CFAP299: variants seen among roughly 807,000 people sequenced by gnomAD.
CFAP299 encodes the protein cilia- and flagella-associated protein 299.
CFAP299 carries 21 observed loss-of-function variants against 27.0 expected under a neutral mutation model. The observed-to-expected ratio is 0.78, with a 90% confidence interval of 0.55 to 1.12. The LOEUF (loss-of-function observed/expected upper bound fraction) is 1.12, where lower values mean the gene tolerates loss of function less well. CFAP299 is among the 50% of genes most tolerant of loss of function. The pLI is 0.00. For missense variants in CFAP299, 310 were observed against 276.6 expected (o/e 1.12, Z -0.86); for synonymous variants, 104 against 98.1 (o/e 1.06, Z -0.36).
intron 2 of CFAP299, among the ~76,000 whole-genome samples, chr4:80,412,042 A>G (rs1397387470): frequency 6.6e-6 from 1 of 152,128 alleles, no homozygotes; most frequent in Non-Finnish European, 1.5e-5. Context: ...CTTTTATGGA[A>G]TAAGAAAGTG....
chr4:80,692,066 C>G (rs1361659832), intron 3 of CFAP299, among the ~76,000 whole-genome samples: 2 of 152,178 alleles, frequency 1.3e-5, no homozygotes, highest in East Asian at 3.8e-4. Flanking sequence ...AATGGAAGAG[C>G]ATTCTATGCT....
chr4:80,601,246 T>A (rs1290297183), intron 3 of CFAP299, among the ~76,000 whole-genome samples: 1 of 152,166 alleles, frequency 6.6e-6, no homozygotes, highest in Non-Finnish European at 1.5e-5. Flanking sequence ...TATTTTATCA[T>A]GTGACATTAT....
intron 2 of CFAP299, among the ~76,000 whole-genome samples, chr4:80,519,327 C>T (rs932338405): frequency 3.3e-5 from 5 of 152,108 alleles, no homozygotes; most frequent in African/African-American, 1.2e-4. Context: ...CCACCTCAGC[C>T]TCCCATGTAT....
intron 2 of CFAP299, among the ~76,000 whole-genome samples, chr4:80,412,956 A>G (rs1332704563): frequency 6.6e-6 from 1 of 152,214 alleles, no homozygotes; most frequent in Non-Finnish European, 1.5e-5. Context: ...TGTGTTATGG[A>G]AGACTCTGCT....
At chr4:80,585,939 G>T (rs1254122281) in intron 3 of CFAP299, among the ~76,000 whole-genome samples, 1 of 152,152 alleles carries the variant, frequency 6.6e-6, no homozygotes, top group Non-Finnish European at 1.5e-5. Flanking sequence ...ATAGTGATTT[G>T]TAGGATTCAG....
At chr4:80,622,041 A>G (rs896789262) in intron 3 of CFAP299, among the ~76,000 whole-genome samples, 1 of 152,168 alleles carries the variant, frequency 6.6e-6, no homozygotes, top group African/African-American at 2.4e-5. Context: ...ACAAGTTGAG[A>G]TTATAGTTGG....
intron 2 of CFAP299, among the ~76,000 whole-genome samples, chr4:80,396,025 A>C (rs985602095): frequency 6.6e-6 from 1 of 152,162 alleles, no homozygotes; most frequent in Admixed American, 6.6e-5. Flanking sequence ...GCTTAGAGCC[A>C]CTACTGACAG....
intron 5 of CFAP299, among the ~76,000 whole-genome samples, chr4:80,955,309 AT>A (rs1357625529): frequency 6.6e-6 from 1 of 152,150 alleles, no homozygotes; most frequent in Non-Finnish European, 1.5e-5. Context: ...ATTAGGGAAA[AT>A]TACTTCACCC....
At chr4:80,509,321 G>C (rs1027942181) in intron 2 of CFAP299, among the ~76,000 whole-genome samples, 1 of 152,156 alleles carries the variant, frequency 6.6e-6, no homozygotes, top group Non-Finnish European at 1.5e-5. Flanking sequence ...ATATTTTAGA[G>C]CAAGCTTGAG....
intron 2 of CFAP299, among the ~76,000 whole-genome samples, chr4:80,450,267 C>T (rs1006500856): frequency 1.3e-5 from 2 of 152,028 alleles, no homozygotes; most frequent in Non-Finnish European, 2.9e-5. Flanking sequence ...AAAAGTTCTC[C>T]CTTTCAAAAA....
intron 4 of CFAP299, among the ~76,000 whole-genome samples, chr4:80,886,551 C>T (rs529086910): frequency 7.2e-5 from 11 of 152,328 alleles, no homozygotes; most frequent in South Asian, 2.1e-4. Flanking sequence ...AATCACAGCA[C>T]GATTGGGCTT....
chr4:80,587,867 G>A (rs114892338), intron 3 of CFAP299, among the ~76,000 whole-genome samples: 1,475 of 144,334 alleles, frequency 0.01, 128 homozygotes, highest in African/African-American at 0.041. Flanking sequence ...GCAGGCTACT[G>A]CATTATGGAT....
chr4:80,862,370 G>T (rs574310829), intron 3 of CFAP299, among the ~76,000 whole-genome samples: 1 of 151,366 alleles, frequency 6.6e-6, no homozygotes. Context: ...ACTCCATCTC[G>T]AAAAATATAG....
intron 4 of CFAP299, among the ~76,000 whole-genome samples, chr4:80,937,304 T>TTTTTTTTG (rs1404783402): frequency 7.3e-6 from 1 of 136,288 alleles, no homozygotes; most frequent in East Asian, 2.1e-4. Flanking sequence ...TTTTCTTTTT[T>TTTTTTTTG]TTTCTTTCTT....
intron 2 of CFAP299, among the ~76,000 whole-genome samples, chr4:80,525,266 G>A (rs898644308): frequency 6.6e-6 from 1 of 152,132 alleles, no homozygotes; most frequent in African/African-American, 2.4e-5. Context: ...ATTATACAAA[G>A]ACATGAATCA....
At chr4:80,636,769 T>A (rs1276326899) in intron 3 of CFAP299, among the ~76,000 whole-genome samples, 5 of 152,200 alleles carry the variant, frequency 3.3e-5, no homozygotes, top group African/African-American at 9.6e-5. Context: ...TTCATTTACC[T>A]ATTTTCTATG....
chr4:80,821,880 G>C (rs910828885), intron 3 of CFAP299, among the ~76,000 whole-genome samples: 1 of 150,838 alleles, frequency 6.6e-6, no homozygotes, highest in Non-Finnish European at 1.5e-5. Context: ...CCATCCCCTG[G>C]CTCAGTACAC....
At chr4:80,675,950 C>T (rs1719423889) in intron 3 of CFAP299, among the ~76,000 whole-genome samples, 1 of 152,180 alleles carries the variant, frequency 6.6e-6, no homozygotes, top group Non-Finnish European at 1.5e-5. Flanking sequence ...TCTGTCATGA[C>T]TTCCCTTTGC....
chr4:80,399,647 C>T (rs1578401554), intron 2 of CFAP299, among the ~76,000 whole-genome samples: 1 of 141,150 alleles, frequency 7.1e-6, no homozygotes, highest in Non-Finnish European at 1.5e-5. Flanking sequence ...ACAACGAGAA[C>T]ACTCGGACAC....
Sources: allele counts gnomAD v4.1 joint callset (sites outside exome capture counted in the v4.1 genomes callset), GRCh38; gene constraint gnomAD v4.1.1; transcripts MANE v1.5; gene names NCBI Gene and HGNC (gene_info 2026-07-23, HGNC 2026-07-21).